PPP2R1B: variants seen among roughly 807,000 people sequenced by gnomAD.
PPP2R1B encodes serine/threonine-protein phosphatase 2A 65 kDa regulatory subunit A beta isoform.
Under a neutral mutation model 72.7 loss-of-function variants are expected in PPP2R1B, and 58 were observed. The observed-to-expected ratio is 0.80, with a 90% CI of 0.65 to 0.99. The LOEUF is 0.99. Among genes scored for constraint, PPP2R1B ranks in the 50% least tolerant of loss-of-function variants. The pLI is 0.00. For missense variants in PPP2R1B, 695 were observed against 733.6 expected (o/e 0.95, Z 0.61); for synonymous variants, 256 against 264.6 (o/e 0.97, Z 0.32).
the PPP2R1B span, among the ~76,000 whole-genome samples, chr11:111,708,526 A>G: frequency 6.6e-6 from 1 of 152,204 alleles, no homozygotes; most frequent in African/African-American, 2.4e-5. Flanking sequence ...GAGACTATTT[A>G]GAAAAAATAC....
At chr11:111,759,737 A>G (rs1353370698) in intron 5 of PPP2R1B, 67 bp downstream of exon 5, 24 of 1,487,314 alleles carry the variant, frequency 1.6e-5, no homozygotes, top group Non-Finnish European at 2.0e-5. Flanking sequence ...AAACTCCCCA[A>G]AGAAATTCTG....
chr11:111,753,701 A>C, intron 8 of PPP2R1B, 124 bp from the exon 9 acceptor site: 1 of 983,680 alleles, frequency 1.0e-6, no homozygotes, highest in Non-Finnish European at 1.4e-6. Flanking sequence ...ACCTTGGCTC[A>C]CTGCAGCCTC....
chr11:111,765,224 A>G, intron 2 of PPP2R1B, 70 bp downstream of exon 2: 2 of 1,433,156 alleles, frequency 1.4e-6, no homozygotes, highest in East Asian at 4.6e-5. Context: ...ATAAACTCTA[A>G]AAAAGTCAGT....
chr11:111,765,674 A>G (rs1470078646), intron 1 of PPP2R1B: 2 of 506,678 alleles, frequency 3.9e-6, no homozygotes, highest in Non-Finnish European at 7.6e-6. Flanking sequence ...AAAAGAGAGC[A>G]CTTTGGCAGT....
At chr11:111,729,920 T>C (rs1393160850) in intron 15 of PPP2R1B, 1 of 152,194 alleles carries the variant, frequency 6.6e-6, no homozygotes, top group Non-Finnish European at 1.5e-5. Context: ...CAAGTTACAA[T>C]ACAGCAGTTT....
Position 111,739,448 on chromosome 11 carries a change from G to C in PPP2R1B, c.*2148C>G. On this transcript the variant is annotated 3_prime_UTR_variant, in exon 15 of 15. Transcript: ENST00000527614. ...TACCAAAACAAATTCTCTCTCTATT[G>C]CTTAAGTCAGAAGGAAACAATGAAA... The C allele has an allele frequency of 1.0e-6, 1 of 985,360 alleles. No individual in the cohort carries two copies. Among genetic ancestry groups the C allele is most frequent in the Non-Finnish European group, 1.2e-6 (1 of 829,908 alleles). The allele number at this position is 985,360 out of a possible 1,614,324, so 61.0% of individuals were successfully genotyped here. A position where few individuals can be genotyped will look rare whatever the true frequency, so the allele number is the denominator to read the frequency against.
downstream of PPP2R1B, chr11:111,722,654 T>C (rs956059277): frequency 2.1e-5 from 34 of 1,612,424 alleles, no homozygotes; most frequent in Non-Finnish European, 2.5e-5. The surrounding 1 kb of genome is among the most constrained non-coding windows in gnomAD (Gnocchi z 4.4). Flanking sequence ...GTTGTTTTTC[T>C]GCTCTTCCAG....
intron 3 of PPP2R1B, among the ~76,000 whole-genome samples, chr11:111,763,652 A>G (rs1945410507): frequency 6.6e-6 from 1 of 152,236 alleles, no homozygotes; most frequent in Non-Finnish European, 1.5e-5. Context: ...GGCACAGAGG[A>G]TTCAAGAATA....
Position 111,739,874 on chromosome 11 carries a change from G to A in PPP2R1B, c.*1722C>T, listed in dbSNP as rs979760472. 57 of 979,982 alleles carry A rather than the reference G, an allele frequency of 5.8e-5. No homozygotes were observed. Among genetic ancestry groups the A allele is most frequent in the Non-Finnish European group, 6.2e-5 (51 of 825,170 alleles). The allele number at this position is 979,982 out of a possible 1,614,324, so 60.7% of individuals were successfully genotyped here. ...GAAAATACTTAATTCTTGGCCCAAA[G>A]TCATAAAATAGAAACTTACTATAAG... On this transcript the variant is annotated 3_prime_UTR_variant, in exon 15 of 15. Transcript: ENST00000527614.
At chr11:111,722,001 A>T, downstream of PPP2R1B, 1 of 1,329,470 alleles carries the variant, frequency 7.5e-7, no homozygotes, top group Non-Finnish European at 1.0e-6. This position sits in a 1 kb window ranked among gnomAD's most constrained non-coding sequence, Gnocchi z 4.4. Flanking sequence ...TTCTTCTGCA[A>T]AGCAGAAACG....
At chr11:111,689,182 G>C in the PPP2R1B span, among the ~76,000 whole-genome samples, 111 of 152,282 alleles carry the variant, frequency 7.3e-4, no homozygotes, top group African/African-American at 2.5e-3. Context: ...GATTGATACA[G>C]GGGGAGCAGA....
the PPP2R1B span, among the ~76,000 whole-genome samples, chr11:111,709,628 T>C: frequency 6.6e-6 from 1 of 152,228 alleles, no homozygotes; most frequent in Non-Finnish European, 1.5e-5. Context: ...TGACCATCTA[T>C]TTATTTAATA....
At chr11:111,752,420 G>A (rs1422732912) in intron 9 of PPP2R1B, 88 bp from the exon 10 acceptor site, 1 of 1,318,200 alleles carries the variant, frequency 7.6e-7, no homozygotes, top group African/African-American at 1.5e-5. Context: ...AAAAGGTGAG[G>A]TAAGACTCAG....
chr11:111,721,126 A>G, the PPP2R1B span: 2 of 1,524,636 alleles, frequency 1.3e-6, no homozygotes, highest in East Asian at 4.6e-5. Flanking sequence ...TGTCCTGAAG[A>G]TGGTCATTTT....
At chr11:111,763,730 T>C (rs1409459109) in intron 3 of PPP2R1B, among the ~76,000 whole-genome samples, 1 of 152,158 alleles carries the variant, frequency 6.6e-6, no homozygotes, top group Non-Finnish European at 1.5e-5. Flanking sequence ...AACAACTAAA[T>C]GAGAGGTGTA....
chr11:111,692,387 A>AAAAAAAAC, the PPP2R1B span, among the ~76,000 whole-genome samples: 5 of 113,486 alleles, frequency 4.4e-5, no homozygotes, highest in African/African-American at 1.2e-4. Flanking sequence ...AAAAAAAAAA[A>AAAAAAAAC]ACACAAAAAG....
the PPP2R1B span, chr11:111,720,542 G>T: frequency 6.2e-7 from 1 of 1,614,040 alleles, no homozygotes. Context: ...ATGATATGGG[G>T]TCTGTTCAGA....
At chr11:111,702,356 G>A in the PPP2R1B span, among the ~76,000 whole-genome samples, 4 of 152,190 alleles carry the variant, frequency 2.6e-5, no homozygotes, top group Admixed American at 6.5e-5. Flanking sequence ...AGGCTGAGGC[G>A]GGAGGATCTC....
intron 13 of PPP2R1B, 160 bp from the exon 14 acceptor site, chr11:111,742,304 GCAA>G: frequency 1.0e-5 from 6 of 597,816 alleles, no homozygotes; most frequent in South Asian, 5.1e-5. Flanking sequence ...GAAATTCTCA[GCAA>G]AATCAGCTTC....
Sources: allele counts gnomAD v4.1 joint callset (sites outside exome capture counted in the v4.1 genomes callset), GRCh38; gene constraint gnomAD v4.1.1; non-coding constraint Gnocchi (gnomAD v3.1); transcripts MANE v1.5; gene names NCBI Gene and HGNC (gene_info 2026-07-23, HGNC 2026-07-21).